The following SLC46A3 variants were observed in gnomAD, a reference collection of about 807,000 sequenced individuals.
SLC46A3 encodes the protein solute carrier family 46 member 3.
In SLC46A3, 26 loss-of-function variants were observed where a neutral mutation model predicts 38.5. The observed-to-expected ratio is 0.68, with a 90% CI of 0.49 to 0.94. The LOEUF (loss-of-function observed/expected upper bound fraction) is 0.94. SLC46A3 is among the 40% of genes least tolerant of loss of function. The pLI, the probability that SLC46A3 is intolerant of heterozygous loss-of-function variation, is 0.00. For missense variants in SLC46A3, 510 were observed against 544.3 expected (o/e 0.94, Z 0.63); for synonymous variants, 185 against 192.5 (o/e 0.96, Z 0.32).
intron 4 of SLC46A3, among the ~76,000 whole-genome samples, chr13:28,707,917 C>A (rs143765459): frequency 6.6e-6 from 1 of 152,308 alleles, no homozygotes; most frequent in East Asian, 1.9e-4. Flanking sequence ...TAAACAGAAT[C>A]ATATTTAAAT....
Position 28,713,517 on chromosome 13 carries a change from G to T in SLC46A3, c.223C>A (p.Gln75Lys). 6.2e-7 allele frequency: 1 copy of T among 1,607,184 alleles called. No homozygotes were observed. The highest frequency in any genetic ancestry group is 1.1e-5 in the South Asian group (1 of 90,512). The change falls in exon 3 of 6, where the codon CAG (glutamine) becomes AAG (lysine). Residue 75 changes from glutamine (Q) to lysine (K), a missense_variant. Coordinates refer to ENST00000266943, the MANE Select transcript of SLC46A3 (RefSeq NM_181785.4). ...VQKKVSRFNL[Q>K]MDISGLIPGL... ...GGAATTAATCCACTTATGTCCATCT[G>T]CAGATTAAAACGTGACACTTTTTTC...
intron 3 of SLC46A3, among the ~76,000 whole-genome samples, 192 bp downstream of exon 3, chr13:28,712,488 A>G (rs962106387): frequency 2.0e-5 from 3 of 152,226 alleles, no homozygotes; most frequent in Admixed American, 6.5e-5. Flanking sequence ...GTGGTTATTC[A>G]GTGGATTAAA....
chr13:28,712,581 T>C, intron 3 of SLC46A3, 99 bp downstream of exon 3: 1 of 1,262,236 alleles, frequency 7.9e-7, no homozygotes, highest in East Asian at 2.6e-5. Context: ...ATGGCTTAAA[T>C]AGAGGGCTTT....
chr13:28,701,113 TG>T lies in SLC46A3; in HGVS notation c.*383del. 9 of 1,443,520 alleles carry T rather than the reference TG, an allele frequency of 6.2e-6. No individual in the cohort carries two copies. Among genetic ancestry groups the T allele is most frequent in the Non-Finnish European group, 8.2e-6 (9 of 1,098,242 alleles). 89.4% of individuals were successfully genotyped at this position (1,443,520 alleles called of 1,614,324 possible). On this transcript the variant is annotated 3_prime_UTR_variant, in exon 6 of 6. Transcript: ENST00000266943. ...AAACCCATTCTGCTGATGAAGAAACTGAGGTAAAGATTTCTCTTTGGTCTCA... is the reference window on the plus strand; with the variant it reads ...AAACCCATTCTGCTGATGAAGAAACTAGGTAAAGATTTCTCTTTGGTCTCA...
Position 28,717,696 on chromosome 13 carries a change from C to T in SLC46A3, c.189+114G>A, listed in dbSNP as rs751161597. ...AGGCCATTAGGTTTGGGATTTAGGA[C>T]TTTGATGGCCGCCCTAGAGAGACCA... On this transcript the variant is annotated intron_variant, in intron 2 of 5. Transcript: ENST00000266943. The T allele has an allele frequency of 3.1e-4, 326 of 1,063,226 alleles. 1 individual carries two copies. Among genetic ancestry groups the T allele is most frequent in the Non-Finnish European group, 4.0e-4 (293 of 740,894 alleles). The allele number at this position is 1,063,226 out of a possible 1,614,324, so 65.9% of individuals were successfully genotyped here. A position where few individuals can be genotyped will look rare whatever the true frequency, so the allele number is the denominator to read the frequency against.
At chr13:28,717,564 C>T (rs576206165) in intron 2 of SLC46A3, among the ~76,000 whole-genome samples, 8 of 145,438 alleles carry the variant, frequency 5.5e-5, no homozygotes, top group East Asian at 2.0e-4. Flanking sequence ...TGAAATTTTC[C>T]GAGAGAAAGG....
At chr13:28,703,180 T>G (rs1244867249) in intron 5 of SLC46A3, among the ~76,000 whole-genome samples, 1 of 152,210 alleles carries the variant, frequency 6.6e-6, no homozygotes, top group East Asian at 1.9e-4. Flanking sequence ...ATATTTAAAT[T>G]TAAAAACATT....
chr13:28,701,475 T>G lies in SLC46A3; in HGVS notation c.*22A>C. The stretch of plus-strand genomic sequence containing the variant: ...ATATGATATGTGCATTCATAGATTT[T>G]TTTTGTTTGTTTAAATCACAGTCAC... On this transcript the variant is annotated 3_prime_UTR_variant, in exon 6 of 6. Transcript: ENST00000266943. 1 of 1,607,522 alleles carries G rather than the reference T, an allele frequency of 6.2e-7. No individual in the cohort carries two copies. Among genetic ancestry groups the G allele is most frequent in the Non-Finnish European group, 8.5e-7 (1 of 1,178,008 alleles).
intron 2 of SLC46A3, among the ~76,000 whole-genome samples, chr13:28,715,922 A>G (rs1885514374): frequency 6.6e-6 from 1 of 150,486 alleles, no homozygotes; most frequent in Non-Finnish European, 1.5e-5. Context: ...CAGGAGGCTC[A>G]CTTGAGGCCA....
intron 4 of SLC46A3, among the ~76,000 whole-genome samples, chr13:28,706,545 T>C (rs987843611): frequency 3.3e-5 from 5 of 152,212 alleles, no homozygotes; most frequent in African/African-American, 4.8e-5. Context: ...AAAATATTAC[T>C]ATATTTAACA....
At position 28,712,693 on chromosome 13, in the gene SLC46A3, C is replaced by T. The variant is rs745823181; in HGVS notation, c.1047G>A (p.Leu349=). The T allele has an allele frequency of 4.4e-6, 7 of 1,581,892 alleles. No individual in the cohort carries two copies. The African/African-American group carries it at 8.2e-5, about 19-fold the overall frequency. The change falls in exon 3 of 6, where the codon CTG becomes CTA. Residue 349 remains leucine, a synonymous_variant. Coordinates refer to ENST00000266943, the MANE Select transcript of SLC46A3 (RefSeq NM_181785.4). The part of the protein sequence containing the change: ...MAMTAFASTT[L]MMFLARVPFL... Reference sequence around the variant, plus strand: ...CTTGGAACTCACCTAAAAACATCATCAGTGTTGTACTGGCAAACGCGGTCA... The same window carrying T: ...CTTGGAACTCACCTAAAAACATCATTAGTGTTGTACTGGCAAACGCGGTCA...
chr13:28,717,054 G>T (rs2137843839), intron 2 of SLC46A3, among the ~76,000 whole-genome samples: 1 of 151,958 alleles, frequency 6.6e-6, no homozygotes, highest in Admixed American at 6.6e-5. Flanking sequence ...GTAGACTTTT[G>T]TCAAAAACTG....
intron 3 of SLC46A3, among the ~76,000 whole-genome samples, chr13:28,711,528 C>T (rs374459642): frequency 5.3e-5 from 8 of 150,898 alleles, no homozygotes; most frequent in African/African-American, 1.9e-4. Context: ...TTTGTTTGTG[C>T]TTTTTTCAGA....
At chr13:28,713,674 A>T in intron 2 of SLC46A3, 124 bp from the exon 3 acceptor site, 1 of 837,520 alleles carries the variant, frequency 1.2e-6, no homozygotes, top group African/African-American at 1.7e-5. Context: ...TCTCTGGTGG[A>T]TGGGCGGGAC....
Position 28,701,176 on chromosome 13 carries a change from T to C in SLC46A3, c.*321A>G. 7.1e-7 allele frequency: 1 copy of C among 1,404,278 alleles called. No homozygotes were observed. Among genetic ancestry groups the C allele is most frequent in the Non-Finnish European group, 9.3e-7 (1 of 1,079,316 alleles). 87.0% of individuals were successfully genotyped at this position (1,404,278 alleles called of 1,614,324 possible). On this transcript the variant is annotated 3_prime_UTR_variant, in exon 6 of 6. Transcript: ENST00000266943. ...TGGAATATGTCAGAGAGATTATTGC[T>C]TTTGACCTTATCAAGTTTCTTGATC...
At position 28,718,767 on chromosome 13, in the gene SLC46A3, G is replaced by A. The variant is rs1046317090; in HGVS notation, c.-296C>T. ...CTCGGCAAGCGCACTTCCGCGTCCCGAGTGACACCTGCAGGGTTCTCCGGC... is the reference window on the plus strand; with the variant it reads ...CTCGGCAAGCGCACTTCCGCGTCCCAAGTGACACCTGCAGGGTTCTCCGGC... On this transcript the variant is annotated 5_prime_UTR_variant, in exon 1 of 6. Coordinates refer to ENST00000266943, the MANE Select transcript of SLC46A3 (RefSeq NM_181785.4). 26 of 152,388 alleles carry A rather than the reference G, an allele frequency of 1.7e-4. No homozygotes were observed. The highest frequency in any genetic ancestry group is 6.3e-4 in the African/African-American group (26 of 41,586). The allele number at this position is 152,388 out of a possible 1,614,324, so 9.4% of individuals were successfully genotyped here. A position where few individuals can be genotyped will look rare whatever the true frequency, so the allele number is the denominator to read the frequency against.
rs1885388925 is a variant in SLC46A3 at position 28,712,813 on chromosome 13, C to A, written c.927G>T (p.Leu309Phe). The stretch of plus-strand genomic sequence containing the variant: ...AAAGCCATATTCCTAGGAAACTAGT[C>A]AAAAAAGAGGCACTACCCAAAGCTG... Reference protein sequence around the residue: ...YGSALGSASFLTSFLGIWLFS... With the variant: ...YGSALGSASFFTSFLGIWLFS... The change falls in exon 3 of 6, where the codon TTG becomes TTT. Residue 309 changes from leucine to phenylalanine, a missense_variant. By Grantham distance (22) the Leu-to-Phe change is conservative. Coordinates refer to ENST00000266943, the MANE Select transcript of SLC46A3 (RefSeq NM_181785.4). 1 of 1,613,246 alleles carries A rather than the reference C, an allele frequency of 6.2e-7. No individual in the cohort carries two copies. Among genetic ancestry groups the A allele is most frequent in the Non-Finnish European group, 8.5e-7 (1 of 1,179,808 alleles).
chr13:28,711,402 G>A (rs1329005279), intron 3 of SLC46A3, among the ~76,000 whole-genome samples: 2 of 144,922 alleles, frequency 1.4e-5, no homozygotes, highest in African/African-American at 5.1e-5. Flanking sequence ...CCAGCCTGGC[G>A]ACAGAGTGAG....
At chr13:28,706,312 A>C (rs1337985318) in intron 4 of SLC46A3, among the ~76,000 whole-genome samples, 1 of 152,210 alleles carries the variant, frequency 6.6e-6, no homozygotes, top group African/African-American at 2.4e-5. Context: ...CTTCGGCAGT[A>C]TTTCCCCACT....
Sources: gnomAD v4.1 joint callset for allele counts (sites outside exome capture counted in the v4.1 genomes callset) on GRCh38, gnomAD v4.1.1 for gene constraint, MANE v1.5 for transcripts, NCBI Gene and HGNC (gene_info 2026-07-23, HGNC 2026-07-21) for gene names.